Variants in DSG4 observed in about 807,000 individuals in gnomAD.
DSG4 encodes the protein desmoglein-4.
DSG4 carries 87 observed loss-of-function variants against 93.1 expected under a neutral mutation model. The ratio of observed to expected loss-of-function variants is 0.93; its 90% CI spans 0.79 to 1.12. The LOEUF (loss-of-function observed/expected upper bound fraction) is 1.12. DSG4 is among the 50% of genes most tolerant of loss of function. The probability of loss-of-function intolerance (pLI) is 0.00; values close to 1 mark genes in which losing one functional copy is unlikely to be tolerated. For missense variants in DSG4, 1,373 were observed against 1,285.7 expected (o/e 1.07, Z -1.04); for synonymous variants, 432 against 452.9 (o/e 0.95, Z 0.59).
intron 8 of DSG4, among the ~76,000 whole-genome samples, chr18:31,398,919 G>A (rs1261829401): frequency 6.6e-6 from 1 of 152,108 alleles, no homozygotes; most frequent in Non-Finnish European, 1.5e-5. Context: ...TCATTCAATA[G>A]TGTGAACAGT....
chr18:31,385,810 C>G (rs536667496), intron 2 of DSG4, among the ~76,000 whole-genome samples: 1 of 152,140 alleles, frequency 6.6e-6, no homozygotes, highest in Non-Finnish European at 1.5e-5. Context: ...ATATATGCTT[C>G]ATTCAGTGGA....
At chr18:31,399,942 G>C (rs1264583073) in intron 9 of DSG4, among the ~76,000 whole-genome samples, 1 of 152,130 alleles carries the variant, frequency 6.6e-6, no homozygotes, top group African/African-American at 2.4e-5. Context: ...ATGACTTAGA[G>C]ACTAATTTCA....
intron 7 of DSG4, 61 bp from the exon 8 acceptor site, chr18:31,392,094 T>A: frequency 6.6e-7 from 1 of 1,520,534 alleles, no homozygotes; most frequent in Non-Finnish European, 9.1e-7. Flanking sequence ...TAATAATGTG[T>A]TTTAAGTACG....
At chr18:31,407,525 C>T (rs2072441099) in intron 12 of DSG4, among the ~76,000 whole-genome samples, 2 of 152,236 alleles carry the variant, frequency 1.3e-5, no homozygotes, top group South Asian at 2.1e-4. Context: ...TTTAGGTTGC[C>T]CTTGCAATAT....
chr18:31,400,750 TA>T, intron 9 of DSG4, 130 bp from the exon 10 acceptor site: 1 of 887,698 alleles, frequency 1.1e-6, no homozygotes, highest in Non-Finnish European at 1.7e-6. Context: ...GTACTTTTTA[TA>T]AACCAAGGCA....
chr18:31,411,444 C>T lies in DSG4; in HGVS notation c.2351C>T (p.Ser784Leu), dbSNP rs780842650. The T allele has an allele frequency of 5.0e-6, 8 of 1,611,980 alleles. No individual in the cohort carries two copies. Among genetic ancestry groups the T allele is most frequent in the Non-Finnish European group, 5.9e-6 (7 of 1,179,964 alleles). ...INMAFLDSYF[S>L]EKAYAYADED... ...ATGGCTTTCTTGGACAGCTACTTCT[C>T]GGAGGTAATGCCCTCACAGTCACAC... The change falls in exon 15 of 16, where the codon TCG (serine) becomes TTG (leucine). Residue 784 changes from serine (S) to leucine (L), a missense_variant. Coordinates refer to ENST00000308128, the MANE Select transcript of DSG4 (RefSeq NM_177986.5).
In DSG4 at chr18:31,413,316, G is replaced by A. The variant is rs1291284661; in HGVS notation, c.2844G>A (p.Gly948=). 2 of 1,614,080 alleles carry A rather than the reference G, an allele frequency of 1.2e-6. No homozygotes were observed. Among genetic ancestry groups the A allele is most frequent in the Middle Eastern group, 1.6e-4 (1 of 6,062 alleles). ...AVMAPVYDIQ[G]NICVPAELAD... is the part of the protein sequence containing the mutation. ...TGGCACCTGTCTATGATATTCAAGG[G>A]AATATTTGTGTACCTGCTGAGTTAG... is the stretch of plus-strand genomic sequence containing the variant. The change falls in exon 16 of 16, where the codon GGG becomes GGA. Residue 948 remains glycine, a synonymous_variant. Transcript: ENST00000308128.
chr18:31,379,687 T>C (rs1026505337), intron 1 of DSG4, among the ~76,000 whole-genome samples: 6 of 152,204 alleles, frequency 3.9e-5, no homozygotes, highest in African/African-American at 9.6e-5. Context: ...GTTATCTCAT[T>C]GCAAGTTGAG....
At chr18:31,390,580 G>A (rs949179457) in intron 5 of DSG4, 76 bp from the exon 6 acceptor site, 2 of 1,572,840 alleles carry the variant, frequency 1.3e-6, no homozygotes, top group Admixed American at 1.7e-5. Context: ...CAACCACTCT[G>A]TCTTCTTATG....
chr18:31,385,233 G>A (rs1044986579), intron 2 of DSG4, 62 bp downstream of exon 2: 10 of 1,143,678 alleles, frequency 8.7e-6, no homozygotes, highest in African/African-American at 1.6e-5. Flanking sequence ...ATTTTGTAAT[G>A]TATTATATAT....
At position 31,409,820 on chromosome 18, in the gene DSG4, C is replaced by T. The variant is rs1384738282; in HGVS notation, c.2137+12C>T. 1 of 1,614,054 alleles carries T rather than the reference C, an allele frequency of 6.2e-7. No homozygotes were observed. On this transcript the variant is annotated intron_variant, in intron 14 of 15. Transcript: ENST00000308128. ...GATGGATTCCTCTGGTCAGTAGACA[C>T]CAAAATCTGTTTTTCCTTTTAAATT...
At chr18:31,397,800 G>A (rs1484490136) in intron 8 of DSG4, among the ~76,000 whole-genome samples, 1 of 152,132 alleles carries the variant, frequency 6.6e-6, no homozygotes, top group African/African-American at 2.4e-5. Flanking sequence ...GCCAAGGCAG[G>A]TGGATCACCC....
At chr18:31,398,440 C>T (rs1197110246) in intron 8 of DSG4, among the ~76,000 whole-genome samples, 1 of 152,182 alleles carries the variant, frequency 6.6e-6, no homozygotes, top group Admixed American at 6.5e-5. Flanking sequence ...CCCTGAGAAG[C>T]AGAGATTTAC....
chr18:31,389,105 T>C, intron 5 of DSG4, 87 bp downstream of exon 5: 17 of 1,492,132 alleles, frequency 1.1e-5, no homozygotes, highest in Non-Finnish European at 1.5e-5. Context: ...ACAGGAAATG[T>C]AAAGGACAGA....
At position 31,413,478 on chromosome 18, in the gene DSG4, A is replaced by T; in HGVS notation, c.3006A>T (p.Gln1002His). ...ATATTTTAGTAGGGCCAGAAATTCA[A>T]GTGATGCAAATGATGAGTCCAGACC... ...SGNILVGPEI[Q>H]VMQMMSPDLP... The change falls in exon 16 of 16, where the codon CAA becomes CAT. Residue 1002 changes from glutamine (Q) to histidine (H), a missense_variant. Coordinates refer to ENST00000308128, the MANE Select transcript of DSG4 (RefSeq NM_177986.5). 6.2e-7 allele frequency: 1 copy of T among 1,612,024 alleles called. No homozygotes were observed. The highest frequency in any genetic ancestry group is 8.5e-7 in the Non-Finnish European group (1 of 1,178,370).
Position 31,413,810 on chromosome 18 carries a change from C to T in DSG4, c.*215C>T, listed in dbSNP as rs995170367. 2.9e-5 allele frequency: 17 copies of T among 581,814 alleles called. No homozygotes were observed. Among genetic ancestry groups the T allele is most frequent in the African/African-American group, 1.7e-4 (9 of 53,156 alleles). The allele number at this position is 581,814 out of a possible 1,614,324, so 36.0% of individuals were successfully genotyped here. A position where few individuals can be genotyped will look rare whatever the true frequency, so the allele number is the denominator to read the frequency against. Reference sequence around the variant, plus strand: ...AAATTCTTTCTGATTTTAAATAATGCGTCAAAAAATGTGCAGAAAATGTAT... The same window carrying T: ...AAATTCTTTCTGATTTTAAATAATGTGTCAAAAAATGTGCAGAAAATGTAT... On this transcript the variant is annotated 3_prime_UTR_variant, in exon 16 of 16. Transcript: ENST00000308128.
chr18:31,388,408 G>T lies in DSG4; in HGVS notation c.258G>T (p.Arg86=). 6.2e-7 allele frequency: 1 copy of T among 1,613,248 alleles called. No individual in the cohort carries two copies. The highest frequency in any genetic ancestry group is 8.5e-7 in the Non-Finnish European group (1 of 1,179,556). The change falls in exon 4 of 16, where the codon CGG becomes CGT. Residue 86 remains arginine (R), a synonymous_variant. Coordinates refer to ENST00000308128, the MANE Select transcript of DSG4 (RefSeq NM_177986.5). ...AATCGAACCAGAAGATAACATACCG[G>T]ATTTCTGGAGTAGGGATTGATCGAC... is the stretch of plus-strand genomic sequence containing the variant. The part of the protein sequence containing the change: ...DCESNQKITY[R]ISGVGIDRPP...
Position 31,399,353 on chromosome 18 carries a change from T to G in DSG4, c.1087T>G (p.Ser363Ala). ...NQADFHYSVASQFQMHPTPVR... is the reference protein window; with the variant it reads ...NQADFHYSVAAQFQMHPTPVR... ...AGCTGATTTTCACTACTCCGTTGCTTCTCAATTCCAAATGCACCCAACCCC... is the reference window on the plus strand; with the variant it reads ...AGCTGATTTTCACTACTCCGTTGCTGCTCAATTCCAAATGCACCCAACCCC... Residue 363 changes from serine (S) to alanine (A), a missense_variant, in exon 9 of 16, where the codon TCT becomes GCT. Coordinates refer to ENST00000308128, the MANE Select transcript of DSG4 (RefSeq NM_177986.5). The G allele has an allele frequency of 1.2e-6, 2 of 1,614,098 alleles. No homozygotes were observed. The highest frequency in any genetic ancestry group is 2.2e-5 in the East Asian group (1 of 44,872).
At chr18:31,392,025 G>T in intron 7 of DSG4, 130 bp from the exon 8 acceptor site, 1 of 779,272 alleles carries the variant, frequency 1.3e-6, no homozygotes, top group South Asian at 1.7e-5. Context: ...ATTGGACTAT[G>T]GGCATTTAAT....
Sources: allele counts gnomAD v4.1 joint callset (sites outside exome capture counted in the v4.1 genomes callset), GRCh38; gene constraint gnomAD v4.1.1; transcripts MANE v1.5; gene names NCBI Gene and HGNC (gene_info 2026-07-23, HGNC 2026-07-21).